The following TEKT5 variants were observed in gnomAD, a reference collection of about 807,000 sequenced individuals.
TEKT5 encodes tektin 5.
A neutral mutation model predicts 48.7 loss-of-function variants in TEKT5; 52 were observed. The observed-to-expected ratio is 1.07, with a 90% CI of 0.86 to 1.35. The LOEUF is 1.35. Ranked by LOEUF, TEKT5 falls within the 40% of genes most tolerant of loss-of-function variation. The pLI is 0.00. For missense variants in TEKT5, 831 were observed against 641.6 expected (o/e 1.30, Z -3.19); for synonymous variants, 318 against 267.6 (o/e 1.19, Z -1.84).
chr16:10,683,617 T>G (rs1297247858), intron 3 of TEKT5, among the ~76,000 whole-genome samples: 1 of 152,072 alleles, frequency 6.6e-6, no homozygotes, highest in Non-Finnish European at 1.5e-5. Flanking sequence ...TGAGATGGAG[T>G]TTTCCTTTTG....
chr16:10,692,107 T>C (rs1444940826), intron 1 of TEKT5, among the ~76,000 whole-genome samples: 1 of 151,838 alleles, frequency 6.6e-6, no homozygotes, highest in East Asian at 1.9e-4. Context: ...GCCTAGGAGA[T>C]AGAATTGAGA....
At chr16:10,654,593 TCTGCTTTAG>T (rs1452673358) in intron 5 of TEKT5, among the ~76,000 whole-genome samples, 2 of 152,172 alleles carry the variant, frequency 1.3e-5, no homozygotes, top group Non-Finnish European at 2.9e-5. Context: ...ATTCGCTCTC[TCTGCTTTAG>T]CTGGGACATC....
At chr16:10,660,671 GT>G (rs1898351910) in intron 5 of TEKT5, among the ~76,000 whole-genome samples, 1 of 35,746 alleles carries the variant, frequency 2.8e-5, no homozygotes, top group Admixed American at 2.9e-4. Context: ...CTGTGTGTGT[GT>G]GTGTGTGTGT....
chr16:10,661,180 C>T (rs1004707194), intron 5 of TEKT5, among the ~76,000 whole-genome samples: 1 of 152,070 alleles, frequency 6.6e-6, no homozygotes, highest in Admixed American at 6.5e-5. Context: ...CAAAAACAGG[C>T]GGAGGGGCGG....
intron 5 of TEKT5, among the ~76,000 whole-genome samples, chr16:10,641,538 G>A: frequency 6.6e-6 from 1 of 152,210 alleles, no homozygotes; most frequent in Admixed American, 6.5e-5. Flanking sequence ...ATCACATAGA[G>A]GCCTGGCGTG....
At chr16:10,641,259 G>C (rs1253599629) in intron 5 of TEKT5, among the ~76,000 whole-genome samples, 1 of 152,166 alleles carries the variant, frequency 6.6e-6, no homozygotes, top group Non-Finnish European at 1.5e-5. Flanking sequence ...GATTAGCCCA[G>C]GTGGTACAGG....
chr16:10,644,430 A>T (rs1275883496), intron 5 of TEKT5, among the ~76,000 whole-genome samples: 1 of 152,150 alleles, frequency 6.6e-6, no homozygotes, highest in East Asian at 1.9e-4. Context: ...TTATCTATGC[A>T]GATCCTTGAG....
At chr16:10,640,412 G>A (rs1052542182) in intron 5 of TEKT5, among the ~76,000 whole-genome samples, 3 of 152,098 alleles carry the variant, frequency 2.0e-5, no homozygotes, top group African/African-American at 7.2e-5. Context: ...CGCCATGACT[G>A]GTCTGTACGT....
chr16:10,692,935 C>T (rs368031899), intron 1 of TEKT5: 2 of 152,190 alleles, frequency 1.3e-5, no homozygotes, highest in Admixed American at 6.5e-5. Context: ...TGGAATTTTC[C>T]TCATGACAGA....
intron 3 of TEKT5, among the ~76,000 whole-genome samples, chr16:10,684,024 C>T (rs1377387129): frequency 5.3e-5 from 8 of 152,172 alleles, no homozygotes; most frequent in African/African-American, 1.7e-4. Flanking sequence ...ACTACGTAGG[C>T]ACTCGCTAAA....
intron 5 of TEKT5, among the ~76,000 whole-genome samples, chr16:10,673,646 A>ATTTT (rs60322821): frequency 2.8e-5 from 3 of 105,770 alleles, no homozygotes; most frequent in African/African-American, 7.4e-5. Flanking sequence ...CACCCATTCT[A>ATTTT]TTTTTTTTTT....
intron 4 of TEKT5, among the ~76,000 whole-genome samples, chr16:10,677,133 G>A (rs1346839254): frequency 6.6e-6 from 1 of 152,226 alleles, no homozygotes; most frequent in African/African-American, 2.4e-5. Context: ...CGGGACTGCA[G>A]TGAGCCATGA....
intron 3 of TEKT5, among the ~76,000 whole-genome samples, chr16:10,686,438 CAG>C (rs1442028415): frequency 2.0e-5 from 3 of 147,266 alleles, no homozygotes; most frequent in African/African-American, 7.6e-5. Flanking sequence ...GCCTGGGTGA[CAG>C]AGGGAGACTC....
chr16:10,656,112 TAGC>T (rs1283035688), intron 5 of TEKT5, among the ~76,000 whole-genome samples: 1 of 152,126 alleles, frequency 6.6e-6, no homozygotes, highest in African/African-American at 2.4e-5. Context: ...GATGTTTAGT[TAGC>T]AGCCTCCCTG....
intron 4 of TEKT5, among the ~76,000 whole-genome samples, chr16:10,680,059 G>A (rs1399749512): frequency 6.6e-6 from 1 of 152,204 alleles, no homozygotes; most frequent in Non-Finnish European, 1.5e-5. Flanking sequence ...TGTGGAAATT[G>A]GAGGCTCTGG....
chr16:10,638,209 G>A (rs534230218), intron 5 of TEKT5, among the ~76,000 whole-genome samples: 109 of 152,300 alleles, frequency 7.2e-4, no homozygotes, highest in African/African-American at 2.5e-3. Flanking sequence ...GGGCTCAAAA[G>A]CCTATGCATT....
At chr16:10,653,682 G>A (rs1042952945) in intron 5 of TEKT5, among the ~76,000 whole-genome samples, 2 of 152,170 alleles carry the variant, frequency 1.3e-5, no homozygotes, top group African/African-American at 4.8e-5. Flanking sequence ...GGAGGCCAAG[G>A]TGGGGAGATC....
At chr16:10,666,278 C>A (rs1243976605) in intron 5 of TEKT5, among the ~76,000 whole-genome samples, 4 of 152,142 alleles carry the variant, frequency 2.6e-5, no homozygotes, top group Non-Finnish European at 4.4e-5. Context: ...GTTCAGGACT[C>A]ACGCAGATCT....
chr16:10,654,000 G>A (rs534117359), intron 5 of TEKT5, among the ~76,000 whole-genome samples: 7 of 147,580 alleles, frequency 4.7e-5, no homozygotes, highest in African/African-American at 7.9e-5. Flanking sequence ...GTGTGTGAAC[G>A]TGTGTGTGTG....
Sources: gnomAD v4.1 joint callset for allele counts (sites outside exome capture counted in the v4.1 genomes callset) on GRCh38, gnomAD v4.1.1 for gene constraint, MANE v1.5 for transcripts, NCBI Gene and HGNC (gene_info 2026-07-23, HGNC 2026-07-21) for gene names.